TNKS2: variants seen among roughly 807,000 people sequenced by gnomAD.
TNKS2 encodes the protein tankyrase 2.
A neutral mutation model predicts 137.6 loss-of-function variants in TNKS2; 72 were observed. The observed-to-expected ratio is 0.52, with a 90% CI of 0.43 to 0.64. The LOEUF (loss-of-function observed/expected upper bound fraction) is 0.64. TNKS2 is among the 30% of genes least tolerant of loss of function. The pLI is 0.00. For missense variants in TNKS2, 1,049 were observed against 1,410.2 expected, an observed-to-expected ratio of 0.74 and a Z score of 4.10; for synonymous variants, 516 against 512.1, an observed-to-expected ratio of 1.01 and a Z score of -0.10.
Position 91,812,944 on chromosome 10 carries a change from C to G in TNKS2, c.200-39C>G, listed in dbSNP as rs757272251. 1.9e-6 allele frequency: 3 copies of G among 1,602,596 alleles called. No homozygotes were observed. In the South Asian group the frequency reaches 3.3e-5, roughly 18 times the overall value. On this transcript the variant is annotated intron_variant, in intron 1 of 26. Coordinates refer to ENST00000371627, the MANE Select transcript of TNKS2 (RefSeq NM_025235.4). ...TACTTATCTAATTTGATATCTTTTCCTTGTTGAACTTACGTGTGGACAATT... is the reference window on the plus strand; with the variant it reads ...TACTTATCTAATTTGATATCTTTTCGTTGTTGAACTTACGTGTGGACAATT...
At chr10:91,808,782 A>G (rs1297575384) in intron 1 of TNKS2, among the ~76,000 whole-genome samples, 1 of 152,214 alleles carries the variant, frequency 6.6e-6, no homozygotes, top group Non-Finnish European at 1.5e-5. Context: ...ATCAGATAAG[A>G]TTATCTAAAA....
intron 1 of TNKS2, among the ~76,000 whole-genome samples, chr10:91,808,615 A>G (rs568256654): frequency 6.6e-6 from 1 of 152,284 alleles, no homozygotes; most frequent in African/African-American, 2.4e-5. Context: ...AGGTAATGTC[A>G]GTGGAAATAG....
rs1842359554 is a variant in TNKS2, at chr10:91,846,017, C to T, written c.2358+77C>T. 7.7e-6 allele frequency: 10 copies of T among 1,301,760 alleles called. No homozygotes were observed. The South Asian group carries it at 2.3e-4, about 30-fold the overall frequency. 80.6% of individuals were successfully genotyped at this position (1,301,760 alleles called of 1,614,324 possible). On this transcript the variant is annotated intron_variant, in intron 18 of 26. Coordinates refer to ENST00000371627, the MANE Select transcript of TNKS2 (RefSeq NM_025235.4). ...TTCACTTGATGTTATTATAAAATGT[C>T]TTTATAGTCAATGTGAATGGCAAAA...
rs750919609 is a variant in TNKS2 at position 91,817,218 on chromosome 10, C to A, written c.509C>A (p.Ala170Glu). The change falls in exon 3 of 27, where the codon GCA (alanine) becomes GAA (glutamate). Residue 170 changes from alanine (A) to glutamate (E), a missense_variant. Around this residue, in one of 6 missense-constraint regions of TNKS2, gnomAD observed 374 missense variants for 460.8 expected, o/e 0.81. Coordinates refer to ENST00000371627, the MANE Select transcript of TNKS2 (RefSeq NM_025235.4). ...ALDLADPSAK[A>E]VLTGEYKKDE... ...GATTTAGCAGATCCATCTGCCAAAG[C>A]AGTGCTTACTGGTAAGTCTGTATAC... 1.2e-6 allele frequency: 2 copies of A among 1,612,578 alleles called. No individual in the cohort carries two copies. The highest frequency in any genetic ancestry group is 1.7e-6 in the Non-Finnish European group (2 of 1,179,120).
intron 8 of TNKS2, 55 bp from the exon 9 acceptor site, chr10:91,828,230 A>G (rs904843618): frequency 7.1e-7 from 1 of 1,408,980 alleles, no homozygotes; most frequent in Admixed American, 2.9e-5. Flanking sequence ...TGTCTTTTAG[A>G]TAAGGCTTTT....
chr10:91,833,829 T>G, intron 11 of TNKS2, 24 bp from the exon 12 acceptor site: 1 of 1,544,252 alleles, frequency 6.5e-7, no homozygotes, highest in Non-Finnish European at 8.7e-7. Context: ...GCGGGCTAAT[T>G]TCAATTTTTT....
At chr10:91,836,822 A>G (rs1589675295) in intron 12 of TNKS2, 97 bp from the exon 13 acceptor site, 3 of 1,476,088 alleles carry the variant, frequency 2.0e-6, no homozygotes, top group East Asian at 4.9e-5. Context: ...ACCAAATTGT[A>G]AAAGAACTTT....
At chr10:91,827,344 T>A in intron 8 of TNKS2, 141 bp downstream of exon 8, 1 of 670,646 alleles carries the variant, frequency 1.5e-6, no homozygotes, top group Non-Finnish European at 2.2e-6. Flanking sequence ...TTAGCATATT[T>A]AATAATTTGG....
chr10:91,816,287 A>C (rs1434523665), intron 2 of TNKS2, among the ~76,000 whole-genome samples: 1 of 152,056 alleles, frequency 6.6e-6, no homozygotes, highest in Non-Finnish European at 1.5e-5. Context: ...ATAATGTAGT[A>C]GTTTTGATTT....
At chr10:91,844,424 TTC>T (rs745500800) in intron 16 of TNKS2, among the ~76,000 whole-genome samples, 120 of 152,226 alleles carry the variant, frequency 7.9e-4, no homozygotes, top group Non-Finnish European at 1.5e-3. Context: ...TACCTCTGAG[TTC>T]TCTCTAGCAA....
intron 11 of TNKS2, among the ~76,000 whole-genome samples, chr10:91,831,945 A>G (rs191003420): frequency 1.3e-5 from 2 of 152,162 alleles, no homozygotes; most frequent in Admixed American, 6.5e-5. Context: ...ATGAAGGGAG[A>G]GGAATAGACG....
At chr10:91,802,747 C>A (rs1844209302) in intron 1 of TNKS2, among the ~76,000 whole-genome samples, 1 of 152,224 alleles carries the variant, frequency 6.6e-6, no homozygotes, top group African/African-American at 2.4e-5. Context: ...ATCATAGTTA[C>A]AAGAGATGCA....
intron 1 of TNKS2, among the ~76,000 whole-genome samples, chr10:91,802,264 G>A (rs189067264): frequency 6.0e-4 from 92 of 152,276 alleles, no homozygotes; most frequent in Admixed American, 2.0e-3. Flanking sequence ...AGAGCATCCA[G>A]AATTTATTGC....
At chr10:91,810,901 TCTTTCTCTCTTTTCTTTTC>T (rs1844475794) in intron 1 of TNKS2, among the ~76,000 whole-genome samples, 1 of 142,196 alleles carries the variant, frequency 7.0e-6, no homozygotes, top group Non-Finnish European at 1.5e-5. Flanking sequence ...TTTTTTCTTT[TCTTTCTCTCTTTTCTTTTC>T]TTTTTTTTTT....
chr10:91,816,170 G>A (rs566577129), intron 2 of TNKS2, among the ~76,000 whole-genome samples: 2 of 151,790 alleles, frequency 1.3e-5, no homozygotes, highest in Admixed American at 1.3e-4. Flanking sequence ...GGATGGTCTC[G>A]ATCTCCTGAC....
chr10:91,855,200 C>A, intron 22 of TNKS2, 74 bp downstream of exon 22: 1 of 950,534 alleles, frequency 1.1e-6, no homozygotes, highest in Non-Finnish European at 1.7e-6. Context: ...GTTTCTTTTT[C>A]TTCCTTTAGT....
intron 18 of TNKS2, among the ~76,000 whole-genome samples, chr10:91,847,921 CA>C (rs1233044710): frequency 6.6e-6 from 1 of 152,126 alleles, no homozygotes; most frequent in African/African-American, 2.4e-5. Flanking sequence ...CATGCTTTGC[CA>C]TATTTAAATT....
chr10:91,836,000 CGTGTGT>C (rs58777939), intron 12 of TNKS2, among the ~76,000 whole-genome samples: 20,854 of 112,862 alleles, frequency 0.18, 1,904 homozygotes, highest in Middle Eastern at 0.28. Context: ...ATAAGAATAC[CGTGTGT>C]GTGTGTGTGT....
intron 19 of TNKS2, 58 bp downstream of exon 19, chr10:91,848,693 T>G (rs1000479263): frequency 6.3e-7 from 1 of 1,576,242 alleles, no homozygotes; most frequent in Non-Finnish European, 8.6e-7. Flanking sequence ...TATTTGTCAT[T>G]TGGGATGCTA....
Sources: gnomAD v4.1 joint callset for allele counts (sites outside exome capture counted in the v4.1 genomes callset) on GRCh38, gnomAD v4.1.1 for gene constraint, gnomAD v4.1.1 regional missense constraint, MANE v1.5 for transcripts, NCBI Gene and HGNC (gene_info 2026-07-23, HGNC 2026-07-21) for gene names.